Variants in B3GALT1 observed in about 807,000 individuals in gnomAD.
B3GALT1 encodes UDP-Gal:betaGlcNAc beta 1,3-galactosyltransferase, polypeptide 1.
A neutral mutation model predicts 23.2 loss-of-function variants in B3GALT1; 10 were observed. That is an observed-to-expected ratio of 0.43 (90% CI 0.27 to 0.73). The LOEUF (loss-of-function observed/expected upper bound fraction) is 0.73. Among genes scored for constraint, B3GALT1 ranks in the 30% least tolerant of loss-of-function variants. The probability of loss-of-function intolerance (pLI) is 0.21; values close to 1 mark genes in which losing one functional copy is unlikely to be tolerated. For missense variants in B3GALT1, 299 were observed against 405.4 expected, an observed-to-expected ratio of 0.74 and a Z score of 2.25; for synonymous variants, 156 against 141.5, an observed-to-expected ratio of 1.10 and a Z score of -0.73.
At chr2:167,666,765 T>C (rs1318687706) in intron 3 of B3GALT1, among the ~76,000 whole-genome samples, 1 of 152,090 alleles carries the variant, frequency 6.6e-6, no homozygotes, top group Admixed American at 6.6e-5. Context: ...AGAGACTAGG[T>C]TTGCAACCCC....
chr2:167,515,382 A>G (rs1352047104), intron 2 of B3GALT1, among the ~76,000 whole-genome samples: 2 of 152,174 alleles, frequency 1.3e-5, no homozygotes, highest in Non-Finnish European at 2.9e-5. Flanking sequence ...GAAGGTCTTT[A>G]CTTCAAATTG....
chr2:167,518,639 C>A (rs79244937), intron 2 of B3GALT1, among the ~76,000 whole-genome samples: 1 of 152,178 alleles, frequency 6.6e-6, no homozygotes, highest in Admixed American at 6.5e-5. Context: ...GAAAGATGGG[C>A]GTCTATTCAG....
chr2:167,545,562 G>T (rs568881846), intron 2 of B3GALT1, among the ~76,000 whole-genome samples: 4 of 152,254 alleles, frequency 2.6e-5, no homozygotes, highest in South Asian at 4.2e-4. Context: ...CCTTAGGGAA[G>T]TCCCTATTGT....
At chr2:167,509,953 A>G (rs190758048) in intron 2 of B3GALT1, among the ~76,000 whole-genome samples, 45 of 152,340 alleles carry the variant, frequency 3.0e-4, no homozygotes, top group Admixed American at 2.6e-3. Context: ...AGAAAGTGCC[A>G]GAGAGAGATG....
At chr2:167,647,704 A>G (rs1685772963) in intron 3 of B3GALT1, among the ~76,000 whole-genome samples, 1 of 152,136 alleles carries the variant, frequency 6.6e-6, no homozygotes, top group Admixed American at 6.6e-5. Flanking sequence ...CTTATTGTTC[A>G]TGCCACAGAT....
chr2:167,760,949 T>G (rs1019406434), intron 3 of B3GALT1, among the ~76,000 whole-genome samples: 4 of 152,196 alleles, frequency 2.6e-5, no homozygotes, highest in Non-Finnish European at 4.4e-5. Context: ...GAGGCAGGAT[T>G]TGGAACACAG....
chr2:167,358,537 T>G (rs991242018), intron 1 of B3GALT1, among the ~76,000 whole-genome samples: 3 of 152,180 alleles, frequency 2.0e-5, no homozygotes, highest in African/African-American at 7.2e-5. Context: ...GAACTTTTTT[T>G]TAGTAATAAT....
At chr2:167,632,197 A>G (rs972952023) in intron 2 of B3GALT1, among the ~76,000 whole-genome samples, 2 of 151,968 alleles carry the variant, frequency 1.3e-5, no homozygotes, top group Non-Finnish European at 2.9e-5. Context: ...TCTATCATTG[A>G]TGGGCATTTG....
intron 2 of B3GALT1, among the ~76,000 whole-genome samples, chr2:167,600,413 A>G (rs1023425543): frequency 1.6e-4 from 25 of 152,200 alleles, no homozygotes; most frequent in South Asian, 2.1e-4. Context: ...CATTTAAAAG[A>G]TAAGATTCAG....
intron 2 of B3GALT1, among the ~76,000 whole-genome samples, chr2:167,627,995 C>G (rs1010185064): frequency 3.3e-5 from 5 of 151,656 alleles, no homozygotes; most frequent in African/African-American, 4.8e-5. Flanking sequence ...CTACCTGCCT[C>G]AATTCTTTGA....
intron 2 of B3GALT1, among the ~76,000 whole-genome samples, chr2:167,545,483 T>C (rs374905961): frequency 5.3e-5 from 8 of 152,308 alleles, no homozygotes; most frequent in Admixed American, 2.6e-4. Context: ...TTAAACTCCC[T>C]ATATGATTGG....
intron 3 of B3GALT1, among the ~76,000 whole-genome samples, chr2:167,749,247 AT>A (rs1687697290): frequency 6.6e-6 from 1 of 152,318 alleles, no homozygotes; most frequent in South Asian, 2.1e-4. Context: ...AGCAAAAAAA[AT>A]AACTAAGCTC....
chr2:167,597,909 A>G (rs1398532875), intron 2 of B3GALT1, among the ~76,000 whole-genome samples: 1 of 152,216 alleles, frequency 6.6e-6, no homozygotes, highest in Non-Finnish European at 1.5e-5. Flanking sequence ...TGAGGGAGAA[A>G]GCAGTGGTGA....
At chr2:167,628,825 A>G (rs1224492707) in intron 2 of B3GALT1, among the ~76,000 whole-genome samples, 1 of 151,746 alleles carries the variant, frequency 6.6e-6, no homozygotes, top group African/African-American at 2.4e-5. Context: ...TATTTTGCTA[A>G]AAATATATAT....
Position 167,583,231 on chromosome 2 carries a change from T to TC in B3GALT1, c.-409-63672dup, listed in dbSNP as rs1257559449. ...GTATTTTTCCTTTCTTTTCCTTTTGTCCCCCCTTGTCCCTTGGATGCCAGG... is the reference window on the plus strand; with the variant it reads ...GTATTTTTCCTTTCTTTTCCTTTTGTCCCCCCCTTGTCCCTTGGATGCCAGG... On this transcript the variant is annotated intron_variant, in intron 2 of 4. Coordinates refer to ENST00000392690, the MANE Select transcript of B3GALT1 (RefSeq NM_020981.4). Among the ~76,000 whole-genome samples, 5 of 152,210 alleles carry TC rather than the reference T, an allele frequency of 3.3e-5. No individual in the cohort carries two copies. In the East Asian group the frequency reaches 7.7e-4, roughly 24 times the overall value.
chr2:167,566,387 A>C (rs183670563), intron 2 of B3GALT1, among the ~76,000 whole-genome samples: 2,131 of 151,992 alleles, frequency 0.014, 22 homozygotes, highest in Non-Finnish European at 0.023. Context: ...GCATTAGGAG[A>C]TATACCTAAT....
At chr2:167,698,396 G>A (rs1464061874) in intron 3 of B3GALT1, among the ~76,000 whole-genome samples, 1 of 152,152 alleles carries the variant, frequency 6.6e-6, no homozygotes, top group African/African-American at 2.4e-5. Flanking sequence ...CTGTTAGTGT[G>A]TTAATGGATT....
At chr2:167,692,022 G>A (rs1184201632) in intron 3 of B3GALT1, among the ~76,000 whole-genome samples, 1 of 152,066 alleles carries the variant, frequency 6.6e-6, no homozygotes, top group Non-Finnish European at 1.5e-5. Flanking sequence ...TCCTTGAGTG[G>A]CACACATTTT....
chr2:167,441,869 T>G (rs914871128), intron 1 of B3GALT1, among the ~76,000 whole-genome samples: 7 of 146,864 alleles, frequency 4.8e-5, no homozygotes, highest in South Asian at 2.1e-4. Flanking sequence ...GTTTTTTTTT[T>G]TTTAATTTAA....
Sources: allele counts gnomAD v4.1 joint callset (sites outside exome capture counted in the v4.1 genomes callset), GRCh38; gene constraint gnomAD v4.1.1; transcripts MANE v1.5; gene names NCBI Gene and HGNC (gene_info 2026-07-23, HGNC 2026-07-21).